RAB2A: variants seen among roughly 807,000 people sequenced by gnomAD.
RAB2A encodes RAB2A, member RAS oncogene family.
A neutral mutation model predicts 32.5 loss-of-function variants in RAB2A; 7 were observed. The observed-to-expected ratio is 0.22, with a 90% CI of 0.12 to 0.40. The LOEUF is 0.40. Ranked by LOEUF, RAB2A falls within the 10% of genes least tolerant of loss-of-function variation. The pLI, the probability that RAB2A is intolerant of heterozygous loss-of-function variation, is 1.00. For missense variants in RAB2A, 108 were observed against 260.7 expected (o/e 0.41, Z 4.03); for synonymous variants, 79 against 85.2 (o/e 0.93, Z 0.40).
At chr8:60,609,052 A>C (rs1804290592) in intron 6 of RAB2A, among the ~76,000 whole-genome samples, 1 of 152,218 alleles carries the variant, frequency 6.6e-6, no homozygotes, top group African/African-American at 2.4e-5. Flanking sequence ...GTCTCTCTCC[A>C]GTTTTATTAA....
chr8:60,575,068 C>G (rs939504462), intron 3 of RAB2A, among the ~76,000 whole-genome samples: 4 of 146,946 alleles, frequency 2.7e-5, no homozygotes. Context: ...ACAGGTTTTC[C>G]TCTTTTGTTT....
chr8:60,599,166 T>C (rs12680436), intron 6 of RAB2A, among the ~76,000 whole-genome samples: 34,729 of 151,838 alleles, frequency 0.23, 4,079 homozygotes, highest in Middle Eastern at 0.38. Context: ...ACTCAAAATA[T>C]ATCATTTTTA....
intron 7 of RAB2A, chr8:60,618,903 C>G (rs1458217145): frequency 6.4e-6 from 1 of 155,570 alleles, no homozygotes; most frequent in African/African-American, 2.4e-5. Context: ...GTGGCCCTAT[C>G]CATTCATTGC....
chr8:60,578,301 A>G (rs901026012), intron 3 of RAB2A, among the ~76,000 whole-genome samples: 1 of 152,226 alleles, frequency 6.6e-6, no homozygotes, highest in Non-Finnish European at 1.5e-5. Context: ...CATTGTATCT[A>G]ATCAATAGTA....
At chr8:60,614,501 C>T (rs1047611047) in intron 6 of RAB2A, among the ~76,000 whole-genome samples, 18 of 152,086 alleles carry the variant, frequency 1.2e-4, no homozygotes, top group African/African-American at 4.1e-4. Context: ...GTCTTCCTGC[C>T]TACGCCTCTT....
At chr8:60,528,968 G>C (rs551862059) in intron 1 of RAB2A, among the ~76,000 whole-genome samples, 1 of 152,296 alleles carries the variant, frequency 6.6e-6, no homozygotes, top group Non-Finnish European at 1.5e-5. Context: ...TTTATGATAA[G>C]AATTTAAAGA....
intron 6 of RAB2A, among the ~76,000 whole-genome samples, chr8:60,599,125 A>G (rs1175414646): frequency 2.6e-5 from 4 of 152,090 alleles, no homozygotes; most frequent in African/African-American, 9.7e-5. Context: ...TCGTATTTCT[A>G]TGTTTTAGCC....
intron 1 of RAB2A, among the ~76,000 whole-genome samples, chr8:60,533,990 C>A (rs1019247451): frequency 6.6e-6 from 1 of 151,880 alleles, no homozygotes; most frequent in Non-Finnish European, 1.5e-5. Context: ...ATAGCAACAA[C>A]AACAACAACA....
intron 1 of RAB2A, among the ~76,000 whole-genome samples, chr8:60,526,950 C>G (rs1280878088): frequency 7.7e-6 from 1 of 130,142 alleles, no homozygotes; most frequent in Admixed American, 9.0e-5. Context: ...GCCTGGGCGA[C>G]AGTGCGAGAC....
intron 1 of RAB2A, among the ~76,000 whole-genome samples, chr8:60,530,785 G>A (rs1807465145): frequency 6.6e-6 from 1 of 152,088 alleles, no homozygotes; most frequent in African/African-American, 2.4e-5. Context: ...AGATCAAGGT[G>A]TAGATCACAG....
intron 5 of RAB2A, among the ~76,000 whole-genome samples, chr8:60,590,153 G>A (rs565978278): frequency 6.6e-6 from 1 of 151,956 alleles, no homozygotes. Flanking sequence ...TAGAGACGGG[G>A]TTTCACCATG....
chr8:60,585,942 C>T (rs1803838263), intron 5 of RAB2A, among the ~76,000 whole-genome samples: 1 of 152,216 alleles, frequency 6.6e-6, no homozygotes, highest in African/African-American at 2.4e-5. Context: ...GTTAACTTCT[C>T]TCTCTGCAGT....
At chr8:60,564,813 C>T (rs2130834755) in intron 2 of RAB2A, among the ~76,000 whole-genome samples, 1 of 152,286 alleles carries the variant, frequency 6.6e-6, no homozygotes, top group African/African-American at 2.4e-5. Context: ...GCAGATGGTT[C>T]TCTGTTTTGT....
At chr8:60,599,522 T>G (rs1483267209) in intron 6 of RAB2A, among the ~76,000 whole-genome samples, 1 of 152,190 alleles carries the variant, frequency 6.6e-6, no homozygotes, top group Non-Finnish European at 1.5e-5. Flanking sequence ...ATCCACCCAT[T>G]GATTTCAAGT....
intron 6 of RAB2A, among the ~76,000 whole-genome samples, chr8:60,594,149 C>G (rs137875777): frequency 1.3e-5 from 2 of 152,012 alleles, no homozygotes; most frequent in South Asian, 4.2e-4. Flanking sequence ...CAAAAGCTGA[C>G]GTTATATGAT....
intron 1 of RAB2A, among the ~76,000 whole-genome samples, chr8:60,543,752 G>A (rs183301517): frequency 5.3e-5 from 8 of 152,182 alleles, no homozygotes; most frequent in East Asian, 1.9e-4. Flanking sequence ...TTCCGAAATC[G>A]TTCTATTTAG....
At chr8:60,620,233 T>C (rs1804507355) in intron 7 of RAB2A, among the ~76,000 whole-genome samples, 1 of 152,272 alleles carries the variant, frequency 6.6e-6, no homozygotes, top group South Asian at 2.1e-4. Context: ...ATAGAAATTA[T>C]TGATGACACA....
chr8:60,605,769 C>G (rs2150434658), intron 6 of RAB2A, among the ~76,000 whole-genome samples: 1 of 150,576 alleles, frequency 6.6e-6, no homozygotes, highest in South Asian at 2.1e-4. Context: ...GCCTGTGTCC[C>G]CATTGTATCT....
intron 1 of RAB2A, among the ~76,000 whole-genome samples, chr8:60,534,947 A>G (rs1039237523): frequency 4.0e-5 from 6 of 151,500 alleles, no homozygotes; most frequent in South Asian, 2.1e-4. Context: ...CTTTCCCCCT[A>G]TCCTTTCTGG....
Sources: gnomAD v4.1 joint callset for allele counts (sites outside exome capture counted in the v4.1 genomes callset) on GRCh38, gnomAD v4.1.1 for gene constraint, MANE v1.5 for transcripts, NCBI Gene and HGNC (gene_info 2026-07-23, HGNC 2026-07-21) for gene names.